SIM1: variants seen among roughly 807,000 people sequenced by gnomAD.
SIM1 encodes the protein single-minded homolog 1.
SIM1 carries 18 observed loss-of-function variants against 78.2 expected under a neutral mutation model. That is an observed-to-expected ratio of 0.23 (90% confidence interval 0.16 to 0.34). The LOEUF (loss-of-function observed/expected upper bound fraction) is 0.34. Ranked by LOEUF, SIM1 falls within the 10% of genes least tolerant of loss-of-function variation. The probability of loss-of-function intolerance (pLI) is 1.00; values close to 1 mark genes in which losing one functional copy is unlikely to be tolerated. For missense variants in SIM1, 939 were observed against 975.1 expected, an observed-to-expected ratio of 0.96 and a Z score of 0.49; for synonymous variants, 417 against 385.2, an observed-to-expected ratio of 1.08 and a Z score of -0.97.
intron 9 of SIM1, among the ~76,000 whole-genome samples, chr6:100,445,550 A>C (rs1772331106): frequency 6.6e-6 from 1 of 152,250 alleles, no homozygotes; most frequent in Non-Finnish European, 1.5e-5. Context: ...AGAAGAAGAA[A>C]TGTACACTTA....
rs1770706741 is a variant in SIM1, at chr6:100,393,841, A to T, written c.1216T>A (p.Trp406Arg). ...ERSESDHDSQ[W>R]GGSPLTDTAS... Reference sequence around the variant, plus strand: ...GTGTCGGTCAAGGGACTTCCGCCCCACTGGCTGTCATGATCAGATTCCGAT... The same window carrying T: ...GTGTCGGTCAAGGGACTTCCGCCCCTCTGGCTGTCATGATCAGATTCCGAT... The change falls in exon 11 of 12, where the codon TGG (tryptophan) becomes AGG (arginine). Residue 406 changes from tryptophan to arginine, a missense_variant. Trp to Arg is a moderately radical substitution (Grantham distance 101). This residue lies in a region of SIM1 where 556 missense variants were observed against 521.9 expected (regional missense o/e 1.07). Coordinates refer to ENST00000369208, the MANE Select transcript of SIM1 (RefSeq NM_005068.3). 1.2e-6 allele frequency: 2 copies of T among 1,603,708 alleles called. No individual in the cohort carries two copies. The highest frequency in any genetic ancestry group is 1.7e-6 in the Non-Finnish European group (2 of 1,173,422).
Position 100,392,969 on chromosome 6 carries a change from G to C in SIM1, c.1570+518C>G, listed in dbSNP as rs551138777. ...ATCCTTCACTCACGGGGTCATCATT[G>C]TGGGTTGTCATAATGATGGGGGAAA... On this transcript the variant is annotated intron_variant, in intron 11 of 11. Transcript: ENST00000369208. Among the ~76,000 whole-genome samples, 45 of 152,306 alleles carry C rather than the reference G, an allele frequency of 3.0e-4. 1 individual carries two copies. The South Asian group carries it at 8.7e-3, about 29-fold the overall frequency.
intron 2 of SIM1, among the ~76,000 whole-genome samples, chr6:100,461,841 C>CTTTTTTTTTTTTTTTTTTTTTT (rs10522700): frequency 6.2e-5 from 7 of 113,332 alleles, no homozygotes; most frequent in Non-Finnish European, 1.1e-4. Context: ...TTCTTTCTTT[C>CTTTTTTTTTTTTTTTTTTTTTT]TTTTTTTTTT....
At chr6:100,434,598 C>T (rs926027702) in intron 9 of SIM1, among the ~76,000 whole-genome samples, 1 of 152,168 alleles carries the variant, frequency 6.6e-6, no homozygotes, top group African/African-American at 2.4e-5. Context: ...TAAGAATGCT[C>T]AGAACCAGGG....
At position 100,390,832 on chromosome 6, in the gene SIM1, T is replaced by C. The variant is rs750612664; in HGVS notation, c.1830A>G (p.Gln610=). ...KKHSLCFANY[Q]QPPPTGEVCH... Reference sequence around the variant, plus strand: ...AGACTTCACCTGTTGGTGGGGGCTGTTGGTAGTTTGCAAAACACAGGGAGT... The same window carrying C: ...AGACTTCACCTGTTGGTGGGGGCTGCTGGTAGTTTGCAAAACACAGGGAGT... Residue 610 remains glutamine (Q), a synonymous_variant, in exon 12 of 12, where the codon CAA becomes CAG. Transcript: ENST00000369208. 4 of 1,614,042 alleles carry C rather than the reference T, an allele frequency of 2.5e-6. No homozygotes were observed. Among genetic ancestry groups the C allele is most frequent in the Admixed American group, 1.7e-5 (1 of 59,988 alleles).
At chr6:100,440,451 C>T (rs372823955) in intron 9 of SIM1, among the ~76,000 whole-genome samples, 1 of 152,282 alleles carries the variant, frequency 6.6e-6, no homozygotes, top group East Asian at 1.9e-4. Flanking sequence ...CCAGGCTCAG[C>T]CAGACCCCAA....
intron 9 of SIM1, among the ~76,000 whole-genome samples, chr6:100,440,797 A>G (rs1288474180): frequency 6.6e-6 from 1 of 152,230 alleles, no homozygotes; most frequent in East Asian, 1.9e-4. Flanking sequence ...AGTATTGGTT[A>G]AGGTGAGAGC....
At position 100,393,754 on chromosome 6, in the gene SIM1, C is replaced by T. The variant is rs1333418276; in HGVS notation, c.1303G>A (p.Ala435Thr). ...RPGSQHDASCAYRQFSDRSSL... is the reference protein window; with the variant it reads ...RPGSQHDASCTYRQFSDRSSL... ...CTGCGGTCCGAAAACTGTCTGTAGG[C>T]GCACGATGCGTCGTGCTGGGAGCCA... Residue 435 changes from alanine to threonine, a missense_variant, in exon 11 of 12, where the codon GCC (alanine) becomes ACC (threonine). By Grantham distance (58) the Ala-to-Thr change is moderately conservative (BLOSUM62 0). This residue lies in a region of SIM1 where 556 missense variants were observed against 521.9 expected (regional missense o/e 1.07). Coordinates refer to ENST00000369208, the MANE Select transcript of SIM1 (RefSeq NM_005068.3). 6 of 1,614,206 alleles carry T rather than the reference C, an allele frequency of 3.7e-6. No individual in the cohort carries two copies. The highest frequency in any genetic ancestry group is 1.3e-5 in the African/African-American group (1 of 75,070).
chr6:100,445,330 C>T (rs566733996), intron 9 of SIM1, among the ~76,000 whole-genome samples: 39 of 152,180 alleles, frequency 2.6e-4, no homozygotes, highest in Non-Finnish European at 4.3e-4. Flanking sequence ...TTCAGCTTTT[C>T]ATCTTGTGTG....
intron 10 of SIM1, among the ~76,000 whole-genome samples, chr6:100,413,493 T>C (rs1771316826): frequency 6.6e-6 from 1 of 152,206 alleles, no homozygotes; most frequent in South Asian, 2.1e-4. Flanking sequence ...CTTATTGTTC[T>C]TTTCTTATTC....
At position 100,457,419 on chromosome 6, in the gene SIM1, G is replaced by C. The variant is rs3798486; in HGVS notation, c.176-3575C>G. Among the ~76,000 whole-genome samples the C allele has an allele frequency of 6.0e-4, 92 of 152,252 alleles. 1 individual carries two copies. Among genetic ancestry groups the C allele is most frequent in the South Asian group, 5.0e-3 (24 of 4,822 alleles). On this transcript the variant is annotated intron_variant, in intron 2 of 11. Coordinates refer to ENST00000369208, the MANE Select transcript of SIM1 (RefSeq NM_005068.3). The stretch of plus-strand genomic sequence containing the variant: ...AGCCCTCCTAGGCCGAGGCCACTGC[G>C]GTTCCTGAACAGCTTGTCTCAACCA...
chr6:100,406,369 TG>T (rs759459587), intron 10 of SIM1, among the ~76,000 whole-genome samples: 35 of 151,512 alleles, frequency 2.3e-4, no homozygotes, highest in Non-Finnish European at 4.6e-4. Flanking sequence ...GTGGCAGCTT[TG>T]TTTGGTCTTC....
intron 1 of SIM1, among the ~76,000 whole-genome samples, 189 bp from the exon 2 acceptor site, chr6:100,464,124 C>A (rs1440157969): frequency 6.6e-6 from 1 of 152,166 alleles, no homozygotes; most frequent in Non-Finnish European, 1.5e-5. Flanking sequence ...GGCATTCCCT[C>A]ACCCATGCCA....
In SIM1 at chr6:100,385,326, T is replaced by C. The variant is rs919541298; in HGVS notation, c.*5035A>G. The C allele has an allele frequency of 1.3e-5, 2 of 152,028 alleles. No individual in the cohort carries two copies. The highest frequency in any genetic ancestry group is 4.1e-4 in the South Asian group (2 of 4,824). The allele number at this position is 152,028 out of a possible 1,614,324, so 9.4% of individuals were successfully genotyped here. A position where few individuals can be genotyped will look rare whatever the true frequency, so the allele number is the denominator to read the frequency against. On this transcript the variant is annotated 3_prime_UTR_variant, in exon 12 of 12. Transcript: ENST00000369208. ...TATAGCACATTAGTCAAAAAACAAATGTAAAATATTTTATCTTTTTTGAAG... is the reference window on the plus strand; with the variant it reads ...TATAGCACATTAGTCAAAAAACAAACGTAAAATATTTTATCTTTTTTGAAG...
Position 100,388,583 on chromosome 6 carries a change from C to T in SIM1, c.*1778G>A, listed in dbSNP as rs1770562499. 1 of 152,146 alleles carries T rather than the reference C, an allele frequency of 6.6e-6. No individual in the cohort carries two copies. The highest frequency in any genetic ancestry group is 6.5e-5 in the Admixed American group (1 of 15,272). The allele number at this position is 152,146 out of a possible 1,614,324, so 9.4% of individuals were successfully genotyped here. On this transcript the variant is annotated 3_prime_UTR_variant, in exon 12 of 12. Transcript: ENST00000369208. ...TTTCATATTATCGTTCAGATTGTCA[C>T]CTACCTATGGACTGTGAAATAACTG... is the stretch of plus-strand genomic sequence containing the variant.
chr6:100,416,268 G>A (rs1465063442), intron 10 of SIM1, among the ~76,000 whole-genome samples: 1 of 151,232 alleles, frequency 6.6e-6, no homozygotes, highest in East Asian at 1.9e-4. Flanking sequence ...TACAGTGGTA[G>A]CAAATTACAA....
intron 2 of SIM1, among the ~76,000 whole-genome samples, chr6:100,456,427 G>C (rs994428594): frequency 2.0e-5 from 3 of 152,220 alleles, no homozygotes; most frequent in Admixed American, 2.0e-4. Flanking sequence ...GAGGAAACCA[G>C]CTCCCTTTGC....
At position 100,453,729 on chromosome 6, in the gene SIM1, G is replaced by A. The variant is rs771106305; in HGVS notation, c.258+33C>T. The A allele has an allele frequency of 1.2e-5, 19 of 1,550,450 alleles. No homozygotes were observed. In the African/African-American group the frequency reaches 2.2e-4, roughly 18 times the overall value. ...AGGGCCAGGCACTCAGACCCTCAAAGCTTATGTGTTGCCGGAAGACCTGCA... is the reference window on the plus strand; with the variant it reads ...AGGGCCAGGCACTCAGACCCTCAAAACTTATGTGTTGCCGGAAGACCTGCA... On this transcript the variant is annotated intron_variant, in intron 3 of 11. Transcript: ENST00000369208.
chr6:100,432,692 C>G (rs1279033487), intron 9 of SIM1, among the ~76,000 whole-genome samples: 1 of 152,162 alleles, frequency 6.6e-6, no homozygotes, highest in Non-Finnish European at 1.5e-5. Context: ...CAGGATGCTT[C>G]TTTTCTATTA....
Sources: allele counts gnomAD v4.1 joint callset (sites outside exome capture counted in the v4.1 genomes callset), GRCh38; gene constraint gnomAD v4.1.1; regional missense constraint gnomAD v4.1.1; transcripts MANE v1.5; gene names NCBI Gene and HGNC (gene_info 2026-07-23, HGNC 2026-07-21).